The following NPFFR2 variants were observed in gnomAD, a reference collection of about 807,000 sequenced individuals.
NPFFR2 encodes the protein neuropeptide FF receptor 2, also known as G-protein coupled receptor 74.
Under a neutral mutation model 13.1 loss-of-function variants are expected in NPFFR2, and 15 were observed. The observed-to-expected ratio is 1.15, with a 90% CI of 0.77 to 1.76. NPFFR2 has a LOEUF of 1.76. Ranked by LOEUF, NPFFR2 falls within the 40% of genes most tolerant of loss-of-function variation. The pLI is 0.00. For missense variants in NPFFR2, 572 were observed against 503.5 expected (o/e 1.14, Z -1.30); for synonymous variants, 190 against 175.7 (o/e 1.08, Z -0.65).
chr4:72,070,491 C>T (rs952715949), intron 1 of NPFFR2, among the ~76,000 whole-genome samples: 4 of 150,004 alleles, frequency 2.7e-5, no homozygotes, highest in Non-Finnish European at 5.9e-5. Context: ...CGGGTGGCAT[C>T]AGTCCAAAGT....
At chr4:72,128,259 G>T (rs1273651553) in intron 1 of NPFFR2, among the ~76,000 whole-genome samples, 1 of 151,972 alleles carries the variant, frequency 6.6e-6, no homozygotes, top group Non-Finnish European at 1.5e-5. Flanking sequence ...GATACCTGGA[G>T]GTAGAGGGAA....
chr4:72,144,377 C>A (rs1442740620), intron 3 of NPFFR2, among the ~76,000 whole-genome samples: 1 of 152,128 alleles, frequency 6.6e-6, no homozygotes, highest in African/African-American at 2.4e-5. Context: ...ATTCATGAGA[C>A]TGAGTCATCA....
intron 1 of NPFFR2, 45 bp from the exon 2 acceptor site, chr4:72,128,540 C>A: frequency 8.2e-7 from 1 of 1,217,640 alleles, no homozygotes; most frequent in Non-Finnish European, 1.2e-6. Context: ...TTATGCTTTA[C>A]TGGTTCCTAA....
chr4:72,034,761 G>T (rs992629690), intron 1 of NPFFR2, among the ~76,000 whole-genome samples: 1 of 152,008 alleles, frequency 6.6e-6, no homozygotes. Context: ...TTTTCCAATT[G>T]CCTTGAAACT....
rs564233660 is a variant in NPFFR2 at position 72,119,973 on chromosome 4, A to AGTG, written c.-7-8609_-7-8607dup. Among the ~76,000 whole-genome samples the AGTG allele has an allele frequency of 1.4e-4, 22 of 152,246 alleles. No homozygotes were observed. In the East Asian group the frequency reaches 4.3e-3, roughly 30 times the overall value. ...AGAGAGGGCTGAAATCAGGGAGCCAAGTGGTCTGGCTCAGTGGTCCCACCC... is the reference window on the plus strand; with the variant it reads ...AGAGAGGGCTGAAATCAGGGAGCCAAGTGGTGGTCTGGCTCAGTGGTCCCACCC... On this transcript the variant is annotated intron_variant, in intron 1 of 3. Coordinates refer to ENST00000308744, the MANE Select transcript of NPFFR2 (RefSeq NM_004885.3).
intron 1 of NPFFR2, among the ~76,000 whole-genome samples, chr4:72,065,593 A>G (rs1349668009): frequency 6.6e-6 from 1 of 152,230 alleles, no homozygotes; most frequent in African/African-American, 2.4e-5. Context: ...CCAAGGAGAT[A>G]CACATTTTCT....
chr4:72,068,201 A>G (rs1319928387), intron 1 of NPFFR2, among the ~76,000 whole-genome samples: 1 of 152,126 alleles, frequency 6.6e-6, no homozygotes, highest in African/African-American at 2.4e-5. Flanking sequence ...AAGAACATAA[A>G]TTTATTTCCT....
At chr4:72,084,612 C>T (rs950298645) in intron 1 of NPFFR2, among the ~76,000 whole-genome samples, 2 of 152,154 alleles carry the variant, frequency 1.3e-5, no homozygotes, top group Non-Finnish European at 2.9e-5. Context: ...TTTCAGCCCA[C>T]GTCTGATTTC....
intron 1 of NPFFR2, among the ~76,000 whole-genome samples, chr4:72,070,920 C>T (rs9884599): frequency 0.9 from 136,909 of 152,146 alleles, 62,547 homozygotes; most frequent in Non-Finnish European, 0.98. Flanking sequence ...AAATTTATTT[C>T]GACAATGTTT....
Position 72,128,674 on chromosome 4 carries a change from C to T in NPFFR2, c.83C>T (p.Ser28Leu). 6.2e-7 allele frequency: 1 copy of T among 1,613,554 alleles called. No individual in the cohort carries two copies. The highest frequency in any genetic ancestry group is 1.7e-5 in the Admixed American group (1 of 60,032). The change falls in exon 2 of 4, where the codon TCA becomes TTA. Residue 28 changes from serine (S) to leucine (L), a missense_variant. Ser to Leu is a moderately radical substitution (Grantham distance 145). Transcript: ENST00000308744. ...NVNDTKHHLY[S>L]DINITYVNYY... ...AATGACACAAAGCATCATCTGTACT[C>T]AGATATTAATATTACCTATGTGAAC...
At chr4:72,115,872 A>G (rs1197919732) in intron 1 of NPFFR2, among the ~76,000 whole-genome samples, 1 of 152,204 alleles carries the variant, frequency 6.6e-6, no homozygotes, top group African/African-American at 2.4e-5. Context: ...TTGTTGCATT[A>G]AAGTGGTTCT....
At chr4:72,102,036 G>A (rs1160332033) in intron 1 of NPFFR2, among the ~76,000 whole-genome samples, 2 of 152,060 alleles carry the variant, frequency 1.3e-5, no homozygotes, top group African/African-American at 4.8e-5. Context: ...CTAATTAATT[G>A]AAGATGTGAT....
chr4:72,057,634 C>T (rs1578427149), intron 1 of NPFFR2, among the ~76,000 whole-genome samples: 1 of 151,850 alleles, frequency 6.6e-6, no homozygotes, highest in Admixed American at 6.6e-5. Flanking sequence ...TGCAAAGACC[C>T]TTTTTCCAAG....
intron 1 of NPFFR2, among the ~76,000 whole-genome samples, chr4:72,054,367 G>A (rs1719680486): frequency 6.6e-6 from 1 of 151,824 alleles, no homozygotes; most frequent in South Asian, 2.1e-4. Context: ...ATGGATCCAA[G>A]ATAATTCAAT....
At chr4:72,127,924 A>T (rs1013406128) in intron 1 of NPFFR2, among the ~76,000 whole-genome samples, 2 of 151,968 alleles carry the variant, frequency 1.3e-5, no homozygotes, top group African/African-American at 4.8e-5. Context: ...TACTAGAAAT[A>T]CAAAAATTAG....
At chr4:72,075,083 A>G (rs1720386388) in intron 1 of NPFFR2, among the ~76,000 whole-genome samples, 1 of 152,114 alleles carries the variant, frequency 6.6e-6, no homozygotes, top group Non-Finnish European at 1.5e-5. Flanking sequence ...AACGAAGATT[A>G]CCATTTGAGT....
chr4:72,033,835 C>G (rs1288061060), intron 1 of NPFFR2, among the ~76,000 whole-genome samples: 1 of 152,102 alleles, frequency 6.6e-6, no homozygotes, highest in Non-Finnish European at 1.5e-5. Flanking sequence ...AATATGAATT[C>G]ACTATAAACC....
intron 1 of NPFFR2, among the ~76,000 whole-genome samples, chr4:72,088,739 A>G (rs145779745): frequency 1.2e-3 from 177 of 152,092 alleles, no homozygotes; most frequent in African/African-American, 4.1e-3. Flanking sequence ...TCCCAAGAAT[A>G]CACTCATTAT....
At chr4:72,061,635 A>G (rs958330813) in intron 1 of NPFFR2, among the ~76,000 whole-genome samples, 2 of 152,134 alleles carry the variant, frequency 1.3e-5, no homozygotes, top group Admixed American at 6.6e-5. Context: ...TCTTTGCAGG[A>G]ACATGGGTAA....
Sources: gnomAD v4.1 joint callset for allele counts (sites outside exome capture counted in the v4.1 genomes callset) on GRCh38, gnomAD v4.1.1 for gene constraint, MANE v1.5 for transcripts, NCBI Gene and HGNC (gene_info 2026-07-23, HGNC 2026-07-21) for gene names.